The following LINGO2 variants were observed in gnomAD, a reference collection of about 807,000 sequenced individuals.
The protein encoded by LINGO2 is leucine rich repeat and Ig domain containing 2, also known as leucine-rich repeat and immunoglobulin-like domain-containing nogo receptor-interacting protein 2.
LINGO2 carries 14 observed loss-of-function variants against 30.6 expected under a neutral mutation model. The observed-to-expected ratio is 0.46, with a 90% CI of 0.30 to 0.72. The LOEUF (loss-of-function observed/expected upper bound fraction) is 0.72. Among genes scored for constraint, LINGO2 ranks in the 30% least tolerant of loss-of-function variants. LINGO2 has a pLI of 0.07. For synonymous variants in LINGO2, 317 were observed against 288.5 expected (o/e 1.10, Z -1.00); for missense variants, 729 against 751.7 (o/e 0.97, Z 0.35).
At chr9:28,045,200 G>A (rs1396104195) in intron 4 of LINGO2, among the ~76,000 whole-genome samples, 1 of 151,928 alleles carries the variant, frequency 6.6e-6, no homozygotes, top group Non-Finnish European at 1.5e-5. Context: ...ACAAACTACA[G>A]ATTGTCTTGT....
the LINGO2 span, among the ~76,000 whole-genome samples, chr9:29,040,151 CTG>C: frequency 6.6e-6 from 1 of 151,996 alleles, no homozygotes; most frequent in African/African-American, 2.4e-5. Flanking sequence ...CCGTCCTAAG[CTG>C]TTTTATAATT....
At chr9:28,970,712 A>G in the LINGO2 span, among the ~76,000 whole-genome samples, 6 of 152,186 alleles carry the variant, frequency 3.9e-5, no homozygotes, top group Admixed American at 3.3e-4. Context: ...GGGAATTGCC[A>G]ATCCCAGAAG....
At chr9:28,588,483 A>G (rs1405116124) in intron 1 of LINGO2, among the ~76,000 whole-genome samples, 4 of 151,896 alleles carry the variant, frequency 2.6e-5, no homozygotes, top group Non-Finnish European at 5.9e-5. Flanking sequence ...CCATAAGTGT[A>G]ATATCAGGAC....
chr9:28,828,163 G>C, the LINGO2 span, among the ~76,000 whole-genome samples: 4 of 151,736 alleles, frequency 2.6e-5, no homozygotes, highest in African/African-American at 9.7e-5. Flanking sequence ...GTCTAAGTCT[G>C]CACTTATGAA....
the LINGO2 span, among the ~76,000 whole-genome samples, chr9:28,897,869 G>A: frequency 2.6e-5 from 4 of 152,042 alleles, no homozygotes; most frequent in African/African-American, 9.6e-5. Context: ...TCCCATAATA[G>A]ATAGAAATTT....
chr9:27,987,105 T>C (rs1821161004), intron 5 of LINGO2, among the ~76,000 whole-genome samples: 1 of 151,824 alleles, frequency 6.6e-6, no homozygotes, highest in Non-Finnish European at 1.5e-5. Flanking sequence ...ACTCAATAAA[T>C]GAAGCTAAAA....
rs143828028 is a variant in LINGO2 at position 28,038,422 on chromosome 9, G to A, written c.-86-26017C>T. On this transcript the variant is annotated intron_variant, in intron 4 of 5. Transcript: ENST00000379992. ...AAAAGCCTTGCTTATGGCTGGGCGC[G>A]GTGGCTCACGCCTGTAATCCCAGCA... is the stretch of plus-strand genomic sequence containing the variant. 9.9e-5 allele frequency among the ~76,000 whole-genome samples: 15 copies of A among 152,174 alleles called. No individual in the cohort carries two copies. The South Asian group carries it at 2.5e-3, about 25-fold the overall frequency.
chr9:27,980,620 T>C (rs7035421), intron 5 of LINGO2, among the ~76,000 whole-genome samples: 5,738 of 152,006 alleles, frequency 0.038, 343 homozygotes, highest in African/African-American at 0.13. Context: ...TCTTGGGTCA[T>C]CAAGCCTAAT....
At chr9:28,368,586 T>C (rs1820766583) in intron 3 of LINGO2, among the ~76,000 whole-genome samples, 1 of 97,590 alleles carries the variant, frequency 1.0e-5, no homozygotes, top group South Asian at 3.8e-4. Context: ...TTTCTCTTCT[T>C]TTCTTTTCTT....
chr9:28,279,114 T>C (rs932684246), intron 4 of LINGO2, among the ~76,000 whole-genome samples: 28 of 152,170 alleles, frequency 1.8e-4, no homozygotes, highest in African/African-American at 6.5e-4. Context: ...TGTGACTAAA[T>C]TGCTACAATC....
At chr9:28,021,380 TA>T (rs1823113193) in intron 4 of LINGO2, among the ~76,000 whole-genome samples, 1 of 152,182 alleles carries the variant, frequency 6.6e-6, no homozygotes. Flanking sequence ...TAATTCTTAT[TA>T]AAGTTTTTGA....
At chr9:28,438,287 G>T (rs1824034798) in intron 2 of LINGO2, among the ~76,000 whole-genome samples, 1 of 152,126 alleles carries the variant, frequency 6.6e-6, no homozygotes, top group Non-Finnish European at 1.5e-5. Context: ...GAAGAGATTT[G>T]CATTTAAATC....
chr9:29,082,857 G>A, the LINGO2 span, among the ~76,000 whole-genome samples: 168 of 152,284 alleles, frequency 1.1e-3, no homozygotes, highest in African/African-American at 3.9e-3. Context: ...GGCCATCAGA[G>A]AAATGCAAAT....
chr9:28,847,742 A>C, the LINGO2 span, among the ~76,000 whole-genome samples: 1 of 102,122 alleles, frequency 9.8e-6, no homozygotes, highest in South Asian at 3.2e-4. Flanking sequence ...GTGTATATAT[A>C]TATGTTATAT....
At position 28,118,803 on chromosome 9, in the gene LINGO2, G is replaced by A. The variant is rs185064600; in HGVS notation, c.-86-106398C>T. Among the ~76,000 whole-genome samples, 381 of 152,058 alleles carry A rather than the reference G, an allele frequency of 2.5e-3. 4 individuals are homozygous for A. Among genetic ancestry groups the A allele is most frequent in the Admixed American group, 6.0e-3 (91 of 15,274 alleles). ...TATATGAAGTCTACATCTAGTAAAG[G>A]ACAAAATACTAATAGACAATAAATA... On this transcript the variant is annotated intron_variant, in intron 4 of 5. Transcript: ENST00000379992.
chr9:28,999,895 T>C, the LINGO2 span, among the ~76,000 whole-genome samples: 1 of 144,956 alleles, frequency 6.9e-6, no homozygotes, highest in Non-Finnish European at 1.5e-5. Flanking sequence ...CATTTCTAAA[T>C]AACTGTATCC....
intron 1 of LINGO2, among the ~76,000 whole-genome samples, chr9:28,608,924 G>T (rs960627395): frequency 1.3e-4 from 20 of 151,868 alleles, no homozygotes; most frequent in African/African-American, 4.6e-4. Context: ...AAAAGTGGGA[G>T]ATATATATTT....
chr9:28,179,060 G>A (rs539471657), intron 4 of LINGO2, among the ~76,000 whole-genome samples: 14 of 151,936 alleles, frequency 9.2e-5, no homozygotes, highest in African/African-American at 2.4e-4. Flanking sequence ...GAATTGAACC[G>A]CAGCATGGAG....
chr9:28,545,303 C>T (rs183447796), intron 1 of LINGO2, among the ~76,000 whole-genome samples: 1 of 152,052 alleles, frequency 6.6e-6, no homozygotes, highest in East Asian at 1.9e-4. Flanking sequence ...GTCAGGAGAC[C>T]TAAATATGTG....
Sources: gnomAD v4.1 joint callset for allele counts (sites outside exome capture counted in the v4.1 genomes callset) on GRCh38, gnomAD v4.1.1 for gene constraint, MANE v1.5 for transcripts, NCBI Gene and HGNC (gene_info 2026-07-23, HGNC 2026-07-21) for gene names.